Variants in MAD1L1 observed in about 807,000 individuals in gnomAD.
MAD1L1 encodes mitotic arrest deficient 1 like 1.
Under a neutral mutation model 96.9 loss-of-function variants are expected in MAD1L1, and 95 were observed. That is an observed-to-expected ratio of 0.98 (90% confidence interval 0.83 to 1.16). MAD1L1 has a LOEUF of 1.16. MAD1L1 is among the 50% of genes most tolerant of loss of function. The pLI, the probability that MAD1L1 is intolerant of heterozygous loss-of-function variation, is 0.00. For synonymous variants in MAD1L1, 473 were observed against 396.6 expected (o/e 1.19, Z -2.29); for missense variants, 1,007 against 954.4 (o/e 1.06, Z -0.73).
At chr7:2,002,588 C>A (rs1781846923) in intron 13 of MAD1L1, among the ~76,000 whole-genome samples, 1 of 152,184 alleles carries the variant, frequency 6.6e-6, no homozygotes, top group African/African-American at 2.4e-5. Context: ...CAGAGCATCT[C>A]CTCCACCACG....
At chr7:1,955,433 G>A (rs1779684116) in intron 16 of MAD1L1, among the ~76,000 whole-genome samples, 1 of 152,202 alleles carries the variant, frequency 6.6e-6, no homozygotes. Context: ...TGAGACTACA[G>A]GTGCCCACCA....
chr7:2,220,979 G>A, intron 5 of MAD1L1: 2 of 1,612,546 alleles, frequency 1.2e-6, no homozygotes, highest in Non-Finnish European at 8.5e-7. Context: ...CAAGGAAGAG[G>A]CGCATAAGAT....
chr7:2,194,106 G>C (rs1791868443), intron 10 of MAD1L1, among the ~76,000 whole-genome samples: 1 of 151,896 alleles, frequency 6.6e-6, no homozygotes, highest in Admixed American at 6.6e-5. Context: ...ACCATGCCTG[G>C]CTAATTTTTT....
At chr7:1,827,801 G>A (rs562511142) in intron 18 of MAD1L1, among the ~76,000 whole-genome samples, 178 of 151,252 alleles carry the variant, frequency 1.2e-3, no homozygotes, top group African/African-American at 4.3e-3. Flanking sequence ...CCCGTCCCGG[G>A]TGTGGGGTCC....
chr7:2,059,084 C>CAG (rs543128267), intron 12 of MAD1L1, among the ~76,000 whole-genome samples: 1 of 36,600 alleles, frequency 2.7e-5, no homozygotes. Context: ...GGAGTGTGGC[C>CAG]AGGAGAGAAG....
intron 3 of MAD1L1, 24 bp from the exon 4 acceptor site, chr7:2,225,574 A>G (rs1793850110): frequency 6.2e-7 from 1 of 1,610,710 alleles, no homozygotes; most frequent in Non-Finnish European, 8.5e-7. Flanking sequence ...ACCCAAAGAA[A>G]AACAGAATCC....
intron 11 of MAD1L1, among the ~76,000 whole-genome samples, chr7:2,111,169 G>T (rs142703588): frequency 1.3e-5 from 2 of 152,176 alleles, no homozygotes; most frequent in Non-Finnish European, 2.9e-5. Context: ...CACACACACC[G>T]AGCGTCCACT....
chr7:2,094,679 C>A (rs1002027450), intron 11 of MAD1L1, among the ~76,000 whole-genome samples: 1 of 151,638 alleles, frequency 6.6e-6, no homozygotes, highest in African/African-American at 2.4e-5. Flanking sequence ...GAGAAGGCCC[C>A]GGGACAGGAG....
intron 15 of MAD1L1, among the ~76,000 whole-genome samples, chr7:1,979,586 C>T (rs975531028): frequency 2.0e-5 from 3 of 152,242 alleles, no homozygotes; most frequent in Admixed American, 6.5e-5. Flanking sequence ...CTGATGGGTC[C>T]ACAAGGCGGG....
At chr7:2,126,410 C>A (rs577983911) in intron 11 of MAD1L1, among the ~76,000 whole-genome samples, 1 of 152,314 alleles carries the variant, frequency 6.6e-6, no homozygotes, top group South Asian at 2.1e-4. Context: ...AGATGTGGAC[C>A]AGACCACTGG....
chr7:2,154,555 C>T (rs113085514), intron 10 of MAD1L1, among the ~76,000 whole-genome samples: 8 of 152,108 alleles, frequency 5.3e-5, no homozygotes, highest in Admixed American at 5.2e-4. Flanking sequence ...CCTAAACTTG[C>T]CCATTCCACA....
At chr7:1,987,837 T>C (rs934449743) in intron 14 of MAD1L1, among the ~76,000 whole-genome samples, 3 of 152,148 alleles carry the variant, frequency 2.0e-5, no homozygotes, top group Non-Finnish European at 4.4e-5. Flanking sequence ...CAGGCACCTG[T>C]GCCTCCAGCC....
At position 1,933,415 on chromosome 7, in the gene MAD1L1, G is replaced by A. The variant is rs562473011; in HGVS notation, c.1807+3272C>T. On this transcript the variant is annotated intron_variant, in intron 17 of 18. Coordinates refer to ENST00000265854, the MANE Select transcript of MAD1L1 (RefSeq NM_001013836.2). ...GCCCGTGTTCTGCAGGGCACGTGGC[G>A]GGGGTGTGCGATCCAGGCCCACACC... Among the ~76,000 whole-genome samples, 21 of 152,196 alleles carry A rather than the reference G, an allele frequency of 1.4e-4. No homozygotes were observed. The South Asian group carries it at 3.3e-3, about 24-fold the overall frequency.
intron 14 of MAD1L1, among the ~76,000 whole-genome samples, chr7:1,986,408 G>A (rs1781145079): frequency 6.6e-6 from 1 of 151,914 alleles, no homozygotes; most frequent in African/African-American, 2.4e-5. Context: ...TCCAGCTGCC[G>A]CCGGCCCCCG....
chr7:1,828,031 C>G (rs1162293899), intron 18 of MAD1L1, among the ~76,000 whole-genome samples: 1 of 152,010 alleles, frequency 6.6e-6, no homozygotes, highest in Non-Finnish European at 1.5e-5. Context: ...TCCTGTGAGG[C>G]TGCCCCTCTT....
At chr7:1,998,984 G>C (rs1451213171) in intron 14 of MAD1L1, among the ~76,000 whole-genome samples, 12 of 147,314 alleles carry the variant, frequency 8.1e-5, no homozygotes, top group Non-Finnish European at 1.6e-4. Flanking sequence ...AGACCCCACA[G>C]TCCACAGACC....
intron 11 of MAD1L1, among the ~76,000 whole-genome samples, chr7:2,143,646 A>C (rs2128576546): frequency 6.6e-6 from 1 of 152,136 alleles, no homozygotes; most frequent in South Asian, 2.1e-4. Flanking sequence ...TGGCAGCAGT[A>C]GATGAAACAG....
In MAD1L1 at chr7:1,971,769, G is replaced by A. The variant is rs117409168; in HGVS notation, c.1505+8684C>T. On this transcript the variant is annotated intron_variant, in intron 15 of 18. Transcript: ENST00000265854. Reference sequence around the variant, plus strand: ...GCTTCCAGACAGATGAGTGGCAAACGACCCCAGAAAAGCTGAATCCCACGC... The same window carrying A: ...GCTTCCAGACAGATGAGTGGCAAACAACCCCAGAAAAGCTGAATCCCACGC... Among the ~76,000 whole-genome samples, 51 of 152,186 alleles carry A rather than the reference G, an allele frequency of 3.4e-4. No individual in the cohort carries two copies. The East Asian group carries it at 9.5e-3, about 28-fold the overall frequency.
chr7:2,081,752 G>C (rs548516227), intron 11 of MAD1L1, among the ~76,000 whole-genome samples: 2 of 152,378 alleles, frequency 1.3e-5, no homozygotes, highest in East Asian at 3.9e-4. Context: ...CTAAGTGCGA[G>C]GGAGAAAAGC....
Sources: gnomAD v4.1 joint callset for allele counts (sites outside exome capture counted in the v4.1 genomes callset) on GRCh38, gnomAD v4.1.1 for gene constraint, MANE v1.5 for transcripts, NCBI Gene and HGNC (gene_info 2026-07-23, HGNC 2026-07-21) for gene names.